Variants in CADM2 observed in about 807,000 individuals in gnomAD.
The protein encoded by CADM2 is immunoglobulin superfamily member 4D.
In CADM2, 12 loss-of-function variants were observed where a neutral mutation model predicts 49.8. The ratio of observed to expected loss-of-function variants is 0.24; its 90% CI spans 0.15 to 0.39. The LOEUF (loss-of-function observed/expected upper bound fraction) is 0.39, where lower values mean the gene tolerates loss of function less well. CADM2 is among the 10% of genes least tolerant of loss of function. CADM2 has a pLI of 1.00. For synonymous variants in CADM2, 214 were observed against 175.4 expected (o/e 1.22, Z -1.74); for missense variants, 378 against 492.3 (o/e 0.77, Z 2.20).
intron 3 of CADM2, among the ~76,000 whole-genome samples, chr3:85,853,237 T>A (rs1259209157): frequency 6.6e-6 from 1 of 151,794 alleles, no homozygotes; most frequent in Admixed American, 6.6e-5. Context: ...TTACATTTTC[T>A]ACATAACCAT....
intron 1 of CADM2, among the ~76,000 whole-genome samples, chr3:85,446,031 CTAGA>C (rs1173236859): frequency 1.3e-5 from 2 of 152,040 alleles, no homozygotes; most frequent in Admixed American, 1.3e-4. Context: ...TGTATGTACA[CTAGA>C]TAGTCATTAA....
chr3:85,982,312 A>C (rs771883825), intron 8 of CADM2, among the ~76,000 whole-genome samples: 1 of 151,510 alleles, frequency 6.6e-6, no homozygotes, highest in Non-Finnish European at 1.5e-5. Flanking sequence ...TCCCTTAAAC[A>C]CTCAACCAAC....
intron 1 of CADM2, among the ~76,000 whole-genome samples, chr3:85,632,565 C>T (rs2064345659): frequency 6.6e-6 from 1 of 151,990 alleles, no homozygotes; most frequent in Admixed American, 6.6e-5. Context: ...CTTTTCAGCA[C>T]CATATGGTTT....
At chr3:85,503,848 A>G (rs1369850861) in intron 1 of CADM2, among the ~76,000 whole-genome samples, 5 of 152,188 alleles carry the variant, frequency 3.3e-5, no homozygotes, top group Admixed American at 3.3e-4. Flanking sequence ...TTACAAACCT[A>G]TAGTCTTTTC....
chr3:85,561,154 G>T (rs979911524), intron 1 of CADM2, among the ~76,000 whole-genome samples: 2 of 152,010 alleles, frequency 1.3e-5, no homozygotes, highest in African/African-American at 2.4e-5. Context: ...TCAATATTAT[G>T]TTTTTTATAT....
intron 1 of CADM2, among the ~76,000 whole-genome samples, chr3:85,559,102 T>G (rs2062028129): frequency 6.6e-6 from 1 of 152,112 alleles, no homozygotes; most frequent in South Asian, 2.1e-4. Flanking sequence ...TGAGGCTCTT[T>G]TCTAAGTATT....
intron 1 of CADM2, among the ~76,000 whole-genome samples, chr3:85,526,183 T>A (rs966067729): frequency 6.6e-6 from 1 of 152,140 alleles, no homozygotes; most frequent in Non-Finnish European, 1.5e-5. Flanking sequence ...TTGTCTTTGA[T>A]CTTTCAAGGC....
In CADM2 at chr3:85,451,235, T is replaced by C. The variant is rs927153866; in HGVS notation, c.62-275287T>C. On this transcript the variant is annotated intron_variant, in intron 1 of 9. Coordinates refer to ENST00000383699, the MANE Select transcript of CADM2 (RefSeq NM_001167675.2). ...GATAATTAAAAGACCAGGAAGTCTC[T>C]TTCAGAAAGAATGGGAATGAATCTA... 4.6e-5 allele frequency among the ~76,000 whole-genome samples: 7 copies of C among 152,090 alleles called. No homozygotes were observed. The East Asian group carries it at 1.2e-3, about 25-fold the overall frequency.
Position 85,321,937 on chromosome 3 carries a change from A to C in CADM2, c.61+362269A>C, listed in dbSNP as rs73845430. Among the ~76,000 whole-genome samples the C allele has an allele frequency of 3.8e-3, 586 of 152,328 alleles. 2 individuals are homozygous for C. The highest frequency in any genetic ancestry group is 0.013 in the African/African-American group (524 of 41,582). On this transcript the variant is annotated intron_variant, in intron 1 of 9. Coordinates refer to ENST00000383699, the MANE Select transcript of CADM2 (RefSeq NM_001167675.2). ...ATATAATGCATGCATCCTAAATAGT[A>C]TTTATTAGTTTGCAGAACTGAAATT...
intron 1 of CADM2, among the ~76,000 whole-genome samples, chr3:85,380,496 A>G (rs1168022733): frequency 6.6e-6 from 1 of 151,978 alleles, no homozygotes; most frequent in African/African-American, 2.4e-5. Flanking sequence ...TGTGGAACCC[A>G]ATTTTTAATT....
chr3:86,043,804 C>A (rs1736268798), intron 8 of CADM2, among the ~76,000 whole-genome samples: 1 of 152,170 alleles, frequency 6.6e-6, no homozygotes, highest in Non-Finnish European at 1.5e-5. Context: ...TACCTGACTT[C>A]AAACTATACT....
At chr3:85,344,500 G>A (rs72903279) in intron 1 of CADM2, among the ~76,000 whole-genome samples, 1 of 151,932 alleles carries the variant, frequency 6.6e-6, no homozygotes, top group East Asian at 1.9e-4. Context: ...GGGGGTGTTT[G>A]TAGTAGAGAT....
intron 1 of CADM2, among the ~76,000 whole-genome samples, chr3:84,992,377 T>G (rs2032939968): frequency 6.6e-6 from 1 of 152,142 alleles, no homozygotes. Context: ...AAAATAACAA[T>G]GCTAGTACTT....
At chr3:85,401,823 A>C (rs1439338863) in intron 1 of CADM2, among the ~76,000 whole-genome samples, 1 of 152,096 alleles carries the variant, frequency 6.6e-6, no homozygotes, top group Non-Finnish European at 1.5e-5. Flanking sequence ...TAGTGTCAGG[A>C]GCACAGGTAT....
At chr3:85,433,329 T>A (rs1480746501) in intron 1 of CADM2, among the ~76,000 whole-genome samples, 1 of 152,220 alleles carries the variant, frequency 6.6e-6, no homozygotes, top group East Asian at 1.9e-4. Context: ...TATTCATTTA[T>A]CTTTGTTAGT....
At chr3:86,022,221 T>G (rs911511181) in intron 8 of CADM2, among the ~76,000 whole-genome samples, 4 of 152,142 alleles carry the variant, frequency 2.6e-5, no homozygotes, top group African/African-American at 9.6e-5. Context: ...CACACAAGCA[T>G]GCACTTAGAG....
intron 1 of CADM2, among the ~76,000 whole-genome samples, chr3:85,326,479 A>AT (rs986286247): frequency 9.9e-5 from 15 of 152,158 alleles, no homozygotes; most frequent in African/African-American, 3.1e-4. Flanking sequence ...AAATAACACT[A>AT]TTTTTTTCCA....
intron 1 of CADM2, among the ~76,000 whole-genome samples, chr3:85,684,811 T>G (rs966311445): frequency 6.6e-6 from 1 of 152,142 alleles, no homozygotes; most frequent in Admixed American, 6.5e-5. Flanking sequence ...GATTCAGTTA[T>G]CTCCCACGGG....
At chr3:85,263,590 C>T (rs770150240) in intron 1 of CADM2, among the ~76,000 whole-genome samples, 2 of 152,070 alleles carry the variant, frequency 1.3e-5, no homozygotes, top group Non-Finnish European at 2.9e-5. Context: ...ATCTCCATGA[C>T]TCCAGTGCCA....
Sources: gnomAD v4.1 joint callset for allele counts (sites outside exome capture counted in the v4.1 genomes callset) on GRCh38, gnomAD v4.1.1 for gene constraint, MANE v1.5 for transcripts, NCBI Gene and HGNC (gene_info 2026-07-23, HGNC 2026-07-21) for gene names.